The following NHLRC2 variants were observed in gnomAD, a reference collection of about 807,000 sequenced individuals.
NHLRC2 encodes NHL repeat containing 2, also known as NHL repeat-containing protein 2.
A neutral mutation model predicts 68.1 loss-of-function variants in NHLRC2; 33 were observed. The observed-to-expected ratio is 0.48, with a 90% CI of 0.37 to 0.65. The LOEUF is 0.65. Among genes scored for constraint, NHLRC2 ranks in the 30% least tolerant of loss-of-function variants. NHLRC2 has a pLI of 0.00. For synonymous variants in NHLRC2, 311 were observed against 309.6 expected, an observed-to-expected ratio of 1.00 and a Z score of -0.05; for missense variants, 761 against 853.8, an observed-to-expected ratio of 0.89 and a Z score of 1.35.
At chr10:113,865,373 T>C (rs574691101) in intron 2 of NHLRC2, among the ~76,000 whole-genome samples, 19 of 148,960 alleles carry the variant, frequency 1.3e-4, no homozygotes, top group Admixed American at 1.1e-3. Context: ...CACTTGTTAA[T>C]GTGGTGGAGA....
chr10:113,857,751 TA>T (rs1351264555), intron 1 of NHLRC2, among the ~76,000 whole-genome samples: 1 of 152,150 alleles, frequency 6.6e-6, no homozygotes. Context: ...CGTTCTTCAT[TA>T]ATATTAATGT....
At position 113,913,076 on chromosome 10, in the gene NHLRC2, C is replaced by T. The variant is rs1846344768; in HGVS notation, c.*4540C>T. 6.6e-6 allele frequency: 1 copy of T among 152,208 alleles called. No individual in the cohort carries two copies. The highest frequency in any genetic ancestry group is 2.4e-5 in the African/African-American group (1 of 41,446). The allele number at this position is 152,208 out of a possible 1,614,324, so 9.4% of individuals were successfully genotyped here. On this transcript the variant is annotated 3_prime_UTR_variant, in exon 11 of 11. Coordinates refer to ENST00000369301, the MANE Select transcript of NHLRC2 (RefSeq NM_198514.4). ...TTTATGTATTAACTCATTTAATCCA[C>T]ACAACAACCTTATGTGAGAAATACC...
chr10:113,884,878 C>T (rs564424371), intron 5 of NHLRC2, among the ~76,000 whole-genome samples: 4 of 151,588 alleles, frequency 2.6e-5, no homozygotes, highest in African/African-American at 9.7e-5. Context: ...TAAACTTTTA[C>T]CCTAGTGAAT....
chr10:113,896,603 A>C (rs1347563329), intron 5 of NHLRC2, among the ~76,000 whole-genome samples: 1 of 152,054 alleles, frequency 6.6e-6, no homozygotes, highest in East Asian at 1.9e-4. Flanking sequence ...CCAGCATGGC[A>C]CATGTATACA....
Position 113,917,090 on chromosome 10 carries a change from T to C in NHLRC2, c.*8554T>C, listed in dbSNP as rs1396597593. 1 of 152,232 alleles carries C rather than the reference T, an allele frequency of 6.6e-6. No homozygotes were observed. Among genetic ancestry groups the C allele is most frequent in the Non-Finnish European group, 1.5e-5 (1 of 68,020 alleles). 9.4% of individuals were successfully genotyped at this position (152,232 alleles called of 1,614,324 possible). On this transcript the variant is annotated 3_prime_UTR_variant, in exon 11 of 11. Coordinates refer to ENST00000369301, the MANE Select transcript of NHLRC2 (RefSeq NM_198514.4). ...AAGAGAAGTGTAATACAAGTGATCATAGAAGGTGAGAATGTGTTTATACTG... is the reference window on the plus strand; with the variant it reads ...AAGAGAAGTGTAATACAAGTGATCACAGAAGGTGAGAATGTGTTTATACTG...
intron 2 of NHLRC2, among the ~76,000 whole-genome samples, chr10:113,865,561 TTTC>T (rs1845859050): frequency 3.3e-5 from 5 of 151,238 alleles, no homozygotes; most frequent in Admixed American, 2.6e-4. Flanking sequence ...TCACAGAGGC[TTTC>T]TTTTCTTTTT....
At chr10:113,901,467 C>T (rs1217030245) in intron 6 of NHLRC2, among the ~76,000 whole-genome samples, 199 bp from the exon 7 acceptor site, 2 of 152,182 alleles carry the variant, frequency 1.3e-5, no homozygotes, top group Non-Finnish European at 2.9e-5. Flanking sequence ...AAGTTCCCTA[C>T]ACAGTGGGTA....
chr10:113,900,567 C>A (rs1208561858), intron 6 of NHLRC2, among the ~76,000 whole-genome samples: 2 of 152,064 alleles, frequency 1.3e-5, no homozygotes, highest in Non-Finnish European at 2.9e-5. Flanking sequence ...GTAGTAATGA[C>A]CCTTAGCATT....
At chr10:113,887,506 A>G (rs953955498) in intron 5 of NHLRC2, among the ~76,000 whole-genome samples, 1 of 152,240 alleles carries the variant, frequency 6.6e-6, no homozygotes, top group Non-Finnish European at 1.5e-5. Context: ...ATGGTGGCTC[A>G]TGCCTGTAAT....
Position 113,876,884 on chromosome 10 carries a change from A to G in NHLRC2, c.695A>G (p.Asp232Gly). 6.2e-7 allele frequency: 1 copy of G among 1,612,890 alleles called. No individual in the cohort carries two copies. Among genetic ancestry groups the G allele is most frequent in the Non-Finnish European group, 8.5e-7 (1 of 1,179,226 alleles). The change falls in exon 3 of 11, where the codon GAC becomes GGC. Residue 232 changes from aspartate to glycine, a missense_variant. Physicochemically the swap from Asp to Gly is moderately conservative, Grantham distance 94. Coordinates refer to ENST00000369301, the MANE Select transcript of NHLRC2 (RefSeq NM_198514.4). ...PLLFPGKVTV[D>G]QVTDRLVIAD... Reference sequence around the variant, plus strand: ...CTATTTCCTGGCAAAGTAACAGTAGACCAAGTTACTGATAGATTGGTAATA... The same window carrying G: ...CTATTTCCTGGCAAAGTAACAGTAGGCCAAGTTACTGATAGATTGGTAATA...
At chr10:113,886,012 G>A (rs1009214933) in intron 5 of NHLRC2, among the ~76,000 whole-genome samples, 1 of 151,916 alleles carries the variant, frequency 6.6e-6, no homozygotes, top group Non-Finnish European at 1.5e-5. Context: ...TCTACCAAAA[G>A]ACTATTAGAG....
intron 2 of NHLRC2, among the ~76,000 whole-genome samples, chr10:113,870,432 T>A (rs114036184): frequency 0.017 from 2,536 of 152,250 alleles, 68 homozygotes; most frequent in African/African-American, 0.056. Context: ...TCATGTAAAA[T>A]TTTATCCCAG....
intron 5 of NHLRC2, among the ~76,000 whole-genome samples, chr10:113,888,153 T>C (rs1289497733): frequency 3.3e-5 from 5 of 152,038 alleles, no homozygotes; most frequent in African/African-American, 1.2e-4. Flanking sequence ...TGCTAGAGGC[T>C]AGGAATAAGG....
intron 2 of NHLRC2, among the ~76,000 whole-genome samples, chr10:113,872,609 A>G (rs1037755106): frequency 4.5e-4 from 68 of 152,208 alleles, no homozygotes; most frequent in Middle Eastern, 6.8e-3. Context: ...AAACAGGGAA[A>G]TGAGTGTTAA....
Position 113,858,599 on chromosome 10 carries a change from G to A in NHLRC2, c.250G>A (p.Asp84Asn). The A allele has an allele frequency of 1.2e-6, 2 of 1,610,386 alleles. No individual in the cohort carries two copies. Among genetic ancestry groups the A allele is most frequent in the Non-Finnish European group, 1.7e-6 (2 of 1,176,682 alleles). Residue 84 changes from aspartate (D) to asparagine (N), a missense_variant, in exon 2 of 11, where the codon GAT becomes AAT. Physicochemically the swap from Asp to Asn is conservative, Grantham distance 23 (BLOSUM62 1). Coordinates refer to ENST00000369301, the MANE Select transcript of NHLRC2 (RefSeq NM_198514.4). ...KDLCGKIVVL[D>N]FFTYCCINCI... The stretch of plus-strand genomic sequence containing the variant: ...TCTATGTGGAAAAATAGTCGTCCTT[G>A]ATTTCTTCACCTACTGCTGCATAAA...
intron 2 of NHLRC2, among the ~76,000 whole-genome samples, chr10:113,874,746 A>G (rs182809997): frequency 4.0e-5 from 6 of 151,090 alleles, no homozygotes; most frequent in Non-Finnish European, 7.4e-5. Flanking sequence ...TTTTTTTTCA[A>G]TCTTCTTTCT....
intron 5 of NHLRC2, among the ~76,000 whole-genome samples, chr10:113,892,376 AAGTC>A (rs1441952120): frequency 2.0e-5 from 3 of 152,138 alleles, no homozygotes; most frequent in African/African-American, 7.2e-5. Flanking sequence ...TGATTGTTGA[AAGTC>A]AGTAATATTA....
chr10:113,901,210 AT>A (rs1251222496), intron 6 of NHLRC2, among the ~76,000 whole-genome samples: 2 of 152,166 alleles, frequency 1.3e-5, no homozygotes, highest in Non-Finnish European at 2.9e-5. Context: ...GTCTCTGTTT[AT>A]ATATAAGAAC....
chr10:113,897,315 T>C (rs1846185774), intron 5 of NHLRC2, among the ~76,000 whole-genome samples: 1 of 152,218 alleles, frequency 6.6e-6, no homozygotes, highest in Non-Finnish European at 1.5e-5. Context: ...TGGTAATACA[T>C]GCATTATTAA....
Sources: allele counts gnomAD v4.1 joint callset (sites outside exome capture counted in the v4.1 genomes callset), GRCh38; gene constraint gnomAD v4.1.1; transcripts MANE v1.5; gene names NCBI Gene and HGNC (gene_info 2026-07-23, HGNC 2026-07-21).